RERE: variants seen among roughly 807,000 people sequenced by gnomAD.
The protein encoded by RERE is arginine-glutamic acid dipeptide repeats protein.
A neutral mutation model predicts 146.1 loss-of-function variants in RERE; 40 were observed. The ratio of observed to expected loss-of-function variants is 0.27; its 90% CI spans 0.21 to 0.36. The LOEUF is 0.36. Ranked by LOEUF, RERE falls within the 10% of genes least tolerant of loss-of-function variation. The pLI is 1.00. For synonymous variants in RERE, 1,003 were observed against 866.0 expected (o/e 1.16, Z -2.78); for missense variants, 1,933 against 2,138.7 (o/e 0.90, Z 1.90).
intron 4 of RERE, among the ~76,000 whole-genome samples, chr1:8,559,468 T>C (rs1256616636): frequency 6.6e-6 from 1 of 152,044 alleles, no homozygotes; most frequent in African/African-American, 2.4e-5. Flanking sequence ...TACTCTTTAA[T>C]ATTTATGCAT....
chr1:8,701,721 A>G (rs983393989), intron 1 of RERE, among the ~76,000 whole-genome samples: 11 of 152,162 alleles, frequency 7.2e-5, no homozygotes, highest in Admixed American at 4.6e-4. Flanking sequence ...ACTGCTCTGG[A>G]CTGAAAAACC....
At chr1:8,690,324 C>A (rs748352613) in intron 1 of RERE, among the ~76,000 whole-genome samples, 1 of 152,176 alleles carries the variant, frequency 6.6e-6, no homozygotes, top group South Asian at 2.1e-4. Context: ...TCATGAGGAG[C>A]CCCACCCTCA....
intron 12 of RERE, among the ~76,000 whole-genome samples, chr1:8,409,681 C>T (rs996585214): frequency 3.9e-5 from 6 of 152,268 alleles, no homozygotes; most frequent in Non-Finnish European, 5.9e-5. Context: ...CTCATGAAGG[C>T]GTATGTCTGC....
chr1:8,589,363 C>T (rs1203352128), intron 4 of RERE, among the ~76,000 whole-genome samples: 1 of 152,068 alleles, frequency 6.6e-6, no homozygotes, highest in African/African-American at 2.4e-5. Context: ...TCAGTTGAAT[C>T]TGGGAGGTGG....
At chr1:8,444,010 A>G (rs939531625) in intron 11 of RERE, among the ~76,000 whole-genome samples, 1 of 152,246 alleles carries the variant, frequency 6.6e-6, no homozygotes, top group Non-Finnish European at 1.5e-5. Flanking sequence ...GCCCACACAG[A>G]GTCCCCACTG....
intron 22 of RERE, 117 bp downstream of exon 22, chr1:8,355,302 A>G: frequency 8.1e-7 from 1 of 1,238,664 alleles, no homozygotes; most frequent in Non-Finnish European, 1.1e-6. Flanking sequence ...ATGGTTCCAC[A>G]ATGTCCCCTC....
chr1:8,410,229 A>G (rs1643575552), intron 12 of RERE, among the ~76,000 whole-genome samples: 1 of 152,138 alleles, frequency 6.6e-6, no homozygotes, highest in African/African-American at 2.4e-5. Context: ...GCTGGGGGAC[A>G]CGGCTGGGGC....
intron 1 of RERE, among the ~76,000 whole-genome samples, chr1:8,754,703 G>A (rs904284829): frequency 3.3e-5 from 5 of 152,244 alleles, no homozygotes; most frequent in Admixed American, 1.3e-4. Context: ...GTGAAGGTGC[G>A]TTCATTTAAA....
chr1:8,710,993 T>C lies in RERE; in HGVS notation c.-144-54552A>G, dbSNP rs552003329. Among the ~76,000 whole-genome samples the C allele has an allele frequency of 3.3e-5, 5 of 151,534 alleles. No individual in the cohort carries two copies. The South Asian group carries it at 1.0e-3, about 32-fold the overall frequency. ...CCAACATGGCAACACCCCATCTCCA[T>C]TAAAATTACAAAAATTAGCTGGGCA... is the stretch of plus-strand genomic sequence containing the variant. On this transcript the variant is annotated intron_variant, in intron 1 of 22. Coordinates refer to ENST00000400908, the MANE Select transcript of RERE (RefSeq NM_001042681.2).
intron 6 of RERE, among the ~76,000 whole-genome samples, chr1:8,546,720 C>T (rs182295534): frequency 3.2e-4 from 49 of 151,798 alleles, no homozygotes; most frequent in Admixed American, 9.2e-4. Context: ...TGGTGGTGGG[C>T]GTCTGTAATG....
At chr1:8,578,252 CAAG>C (rs1646320673) in intron 4 of RERE, among the ~76,000 whole-genome samples, 1 of 152,090 alleles carries the variant, frequency 6.6e-6, no homozygotes, top group South Asian at 2.1e-4. Context: ...TATGTCTTTC[CAAG>C]AAGACTATTT....
At chr1:8,397,519 G>A (rs1397680589) in intron 12 of RERE, among the ~76,000 whole-genome samples, 1 of 151,046 alleles carries the variant, frequency 6.6e-6, no homozygotes, top group Non-Finnish European at 1.5e-5. Context: ...TCTGTAAAAT[G>A]TACCAAGGAA....
chr1:8,816,087 G>A (rs1309960549), intron 1 of RERE, among the ~76,000 whole-genome samples: 4 of 152,072 alleles, frequency 2.6e-5, no homozygotes, highest in African/African-American at 9.7e-5. Context: ...AACAGACTGA[G>A]ACTAAAAAGA....
intron 12 of RERE, among the ~76,000 whole-genome samples, chr1:8,397,108 AC>A (rs1404192952): frequency 6.6e-6 from 1 of 152,248 alleles, no homozygotes; most frequent in African/African-American, 2.4e-5. Flanking sequence ...CAGAAACAGC[AC>A]AGCAGCTAAG....
At chr1:8,811,274 T>C (rs185412113) in intron 1 of RERE, among the ~76,000 whole-genome samples, 450 of 152,298 alleles carry the variant, frequency 3.0e-3, no homozygotes, top group Non-Finnish European at 4.8e-3. Context: ...ATCACTGTAC[T>C]CCCTTGCTTC....
chr1:8,427,999 G>C (rs1233446093), intron 11 of RERE, among the ~76,000 whole-genome samples: 1 of 152,198 alleles, frequency 6.6e-6, no homozygotes, highest in Non-Finnish European at 1.5e-5. Context: ...CAAGTTCATG[G>C]AGACAGTCTG....
intron 12 of RERE, among the ~76,000 whole-genome samples, chr1:8,404,002 C>T (rs1020274157): frequency 1.3e-5 from 2 of 151,210 alleles, no homozygotes; most frequent in Admixed American, 1.3e-4. Context: ...AGCTAATTTT[C>T]GTATTTTTAG....
At chr1:8,409,381 C>G (rs1643549284) in intron 12 of RERE, among the ~76,000 whole-genome samples, 1 of 152,228 alleles carries the variant, frequency 6.6e-6, no homozygotes, top group African/African-American at 2.4e-5. Context: ...CCGCATGAGG[C>G]AGCAGAGAGA....
chr1:8,771,719 G>A (rs1409068892), intron 1 of RERE, among the ~76,000 whole-genome samples: 1 of 151,864 alleles, frequency 6.6e-6, no homozygotes, highest in Non-Finnish European at 1.5e-5. Context: ...GGCCATCCTG[G>A]CTAACAAGGT....
Sources: allele counts gnomAD v4.1 joint callset (sites outside exome capture counted in the v4.1 genomes callset), GRCh38; gene constraint gnomAD v4.1.1; transcripts MANE v1.5; gene names NCBI Gene and HGNC (gene_info 2026-07-23, HGNC 2026-07-21).